The following MIS18BP1 variants were observed in gnomAD, a reference collection of about 807,000 sequenced individuals.
MIS18BP1 encodes MIS18 binding protein 1.
A neutral mutation model predicts 116.1 loss-of-function variants in MIS18BP1; 72 were observed. The ratio of observed to expected loss-of-function variants is 0.62; its 90% CI spans 0.51 to 0.75. MIS18BP1 has a LOEUF of 0.75. MIS18BP1 is among the 30% of genes least tolerant of loss of function. The pLI, the probability that MIS18BP1 is intolerant of heterozygous loss-of-function variation, is 0.00. For missense variants in MIS18BP1, 1,363 were observed against 1,303.2 expected, an observed-to-expected ratio of 1.05 and a Z score of -0.71; for synonymous variants, 386 against 427.0, an observed-to-expected ratio of 0.90 and a Z score of 1.18.
intron 13 of MIS18BP1, among the ~76,000 whole-genome samples, chr14:45,216,364 T>C (rs918901567): frequency 6.6e-6 from 1 of 152,230 alleles, no homozygotes; most frequent in Non-Finnish European, 1.5e-5. Flanking sequence ...CTTATTTTTT[T>C]AAAAGATTCT....
chr14:45,227,637 C>A, intron 9 of MIS18BP1, 26 bp downstream of exon 9: 1 of 1,591,134 alleles, frequency 6.3e-7, no homozygotes, highest in Non-Finnish European at 8.6e-7. Context: ...TCAACTTGAA[C>A]TATACAGTGT....
intron 1 of MIS18BP1, among the ~76,000 whole-genome samples, chr14:45,248,270 T>C (rs1198904183): frequency 1.3e-5 from 2 of 152,036 alleles, no homozygotes; most frequent in Non-Finnish European, 2.9e-5. Context: ...TTTCTCCATG[T>C]TGGTCAGGCT....
intron 13 of MIS18BP1, among the ~76,000 whole-genome samples, chr14:45,214,536 G>A (rs186093106): frequency 3.9e-5 from 6 of 152,214 alleles, no homozygotes; most frequent in East Asian, 3.9e-4. Context: ...GGCGCCGCCC[G>A]GGGCCTCAGC....
At chr14:45,245,318 T>C (rs1218758994) in intron 2 of MIS18BP1, among the ~76,000 whole-genome samples, 1 of 152,118 alleles carries the variant, frequency 6.6e-6, no homozygotes, top group Non-Finnish European at 1.5e-5. Context: ...TCCTGGTTTT[T>C]CTTCTTCCTC....
chr14:45,215,100 T>C (rs927317185), intron 13 of MIS18BP1, among the ~76,000 whole-genome samples: 4 of 152,204 alleles, frequency 2.6e-5, no homozygotes, highest in African/African-American at 9.6e-5. Flanking sequence ...AATATACATA[T>C]ATAGAACCTG....
Position 45,203,617 on chromosome 14 carries a change from G to GTAAT in MIS18BP1, c.*488_*491dup, listed in dbSNP as rs979067035. On this transcript the variant is annotated 3_prime_UTR_variant, in exon 17 of 17. Coordinates refer to ENST00000310806, the MANE Select transcript of MIS18BP1 (RefSeq NM_018353.5). ...ATGTGTAATTTAATTTCAACAATGT[G>GTAAT]TAATTTAAACATTAGGTTTGGATAA... The GTAAT allele has an allele frequency of 2.6e-5, 4 of 152,196 alleles. No individual in the cohort carries two copies. Among genetic ancestry groups the GTAAT allele is most frequent in the African/African-American group, 9.7e-5 (4 of 41,392 alleles). 9.4% of individuals were successfully genotyped at this position (152,196 alleles called of 1,614,324 possible). A position where few individuals can be genotyped will look rare whatever the true frequency, so the allele number is the denominator to read the frequency against.
chr14:45,228,589 T>C (rs893870801), intron 8 of MIS18BP1, among the ~76,000 whole-genome samples: 1 of 152,238 alleles, frequency 6.6e-6, no homozygotes, highest in Non-Finnish European at 1.5e-5. Context: ...ATATAATATA[T>C]GCTCAACAAA....
In MIS18BP1 at chr14:45,237,695, A is replaced by C. The variant is rs781586036; in HGVS notation, c.1170T>G (p.Ile390Met). 9 of 1,602,924 alleles carry C rather than the reference A, an allele frequency of 5.6e-6. No individual in the cohort carries two copies. In the East Asian group the frequency reaches 1.8e-4, roughly 32 times the overall value. Residue 390 changes from isoleucine (I) to methionine (M), a missense_variant, in exon 5 of 17, where the codon ATT (isoleucine) becomes ATG (methionine). By Grantham distance (10) the Ile-to-Met change is conservative (BLOSUM62 1). Transcript: ENST00000310806. ...TAGCAGTATTATTATTGATGCTTTT[A>C]ATCATCCATTCCTGTAGCTGAACTA... Reference protein sequence around the residue: ...NQVVQLQEWMIKSINNNTAIC... With the variant: ...NQVVQLQEWMMKSINNNTAIC...
At chr14:45,250,962 G>T (rs1256460147) in intron 1 of MIS18BP1, among the ~76,000 whole-genome samples, 1 of 151,392 alleles carries the variant, frequency 6.6e-6, no homozygotes, top group African/African-American at 2.4e-5. Flanking sequence ...GAGTGAACCC[G>T]GGAGGCGGAG....
At chr14:45,227,562 A>G in intron 9 of MIS18BP1, 101 bp downstream of exon 9, 3 of 1,059,860 alleles carry the variant, frequency 2.8e-6, no homozygotes, top group Middle Eastern at 3.2e-4. Flanking sequence ...AAAAAAAAAA[A>G]AAACAGAACT....
chr14:45,239,122 T>A (rs1050577823), intron 4 of MIS18BP1, among the ~76,000 whole-genome samples: 1 of 152,160 alleles, frequency 6.6e-6, no homozygotes, highest in Non-Finnish European at 1.5e-5. Flanking sequence ...ATATAAGATA[T>A]CAAAATGTTC....
rs750112393 is a variant in MIS18BP1, at chr14:45,210,522, T to G, written c.3010A>C (p.Ser1004Arg). 1 of 1,613,696 alleles carries G rather than the reference T, an allele frequency of 6.2e-7. No individual in the cohort carries two copies. The highest frequency in any genetic ancestry group is 1.1e-5 in the South Asian group (1 of 90,994). ...PLQHQRILLPSFQDSEDDDDI... is the reference protein window; with the variant it reads ...PLQHQRILLPRFQDSEDDDDI... Reference sequence around the variant, plus strand: ...TCATCATCTTCACTGTCCTGGAAACTTGGCAACTAGAAAACAAGTATTTAT... The same window carrying G: ...TCATCATCTTCACTGTCCTGGAAACGTGGCAACTAGAAAACAAGTATTTAT... Residue 1004 changes from serine to arginine, a missense_variant, in exon 14 of 17, where the codon AGT (serine) becomes CGT (arginine). By Grantham distance (110) the Ser-to-Arg change is moderately radical (BLOSUM62 -1). Coordinates refer to ENST00000310806, the MANE Select transcript of MIS18BP1 (RefSeq NM_018353.5).
chr14:45,210,166 C>A, intron 14 of MIS18BP1: 1 of 420,996 alleles, frequency 2.4e-6, no homozygotes, highest in Non-Finnish European at 4.1e-6. Context: ...CGAATTGATC[C>A]AGAAGTAAAT....
At chr14:45,236,338 G>C (rs1047322421) in intron 5 of MIS18BP1, among the ~76,000 whole-genome samples, 1 of 152,112 alleles carries the variant, frequency 6.6e-6, no homozygotes, top group African/African-American at 2.4e-5. Flanking sequence ...ATTGGATCCA[G>C]CTAATCTGGT....
In MIS18BP1 at chr14:45,224,054, T is replaced by G; in HGVS notation, c.2533A>C (p.Lys845Gln). The G allele has an allele frequency of 6.2e-7, 1 of 1,613,860 alleles. No homozygotes were observed. Among genetic ancestry groups the G allele is most frequent in the South Asian group, 1.1e-5 (1 of 91,046 alleles). ...GGAAACTCTTTCCTAACACCAGACT[T>G]CTGAAGAGTTTCTTTGACGGAAGGT... The part of the protein sequence containing the change: ...ARPSVKETLQ[K>Q]SGVRKEFPIT... Residue 845 changes from lysine (K) to glutamine (Q), a missense_variant, in exon 11 of 17, where the codon AAG becomes CAG. Physicochemically the swap from Lys to Gln is moderately conservative, Grantham distance 53. Coordinates refer to ENST00000310806, the MANE Select transcript of MIS18BP1 (RefSeq NM_018353.5).
intron 14 of MIS18BP1, 116 bp from the exon 15 acceptor site, chr14:45,206,286 C>T: frequency 1.4e-6 from 1 of 694,078 alleles, no homozygotes; most frequent in Non-Finnish European, 2.4e-6. Context: ...AAATTAATTT[C>T]AAATGTATTT....
intron 6 of MIS18BP1, among the ~76,000 whole-genome samples, chr14:45,235,590 C>CAAAA (rs77272289): frequency 2.9e-5 from 2 of 68,710 alleles, no homozygotes; most frequent in Non-Finnish European, 6.0e-5. Context: ...ACTCCATTTC[C>CAAAA]AAAAAAAAAA....
At position 45,217,119 on chromosome 14, in the gene MIS18BP1, A is replaced by G. The variant is rs200710214; in HGVS notation, c.2903T>C (p.Leu968Pro). Residue 968 changes from leucine (L) to proline (P), a missense_variant, in exon 13 of 17, where the codon CTT (leucine) becomes CCT (proline). Transcript: ENST00000310806. ...TIKITAKVGT[L>P]KRKQQMREFL... Reference sequence around the variant, plus strand: ...TTCCCTCATCTGTTGCTTCCTTTTAAGAGTTCCCACTTTGGCAGTTATCTT... The same window carrying G: ...TTCCCTCATCTGTTGCTTCCTTTTAGGAGTTCCCACTTTGGCAGTTATCTT... The G allele has an allele frequency of 1.9e-6, 3 of 1,614,180 alleles. No homozygotes were observed. The highest frequency in any genetic ancestry group is 2.7e-5 in the African/African-American group (2 of 75,056).
In MIS18BP1 at chr14:45,224,652, C is replaced by A; in HGVS notation, c.1935G>T (p.Gln645His). ...GTGTTACTAAAATATAAGCTTTCTT[C>A]TGATTGATGGCCATGTATTTTCTTT... Reference protein sequence around the residue: ...DEERKYMAINQKKAYILVTPL... With the variant: ...DEERKYMAINHKKAYILVTPL... The change falls in exon 11 of 17, where the codon CAG becomes CAT. Residue 645 changes from glutamine (Q) to histidine (H), a missense_variant. By Grantham distance (24) the Gln-to-His change is conservative. Coordinates refer to ENST00000310806, the MANE Select transcript of MIS18BP1 (RefSeq NM_018353.5). The A allele has an allele frequency of 1.2e-6, 2 of 1,613,184 alleles. No individual in the cohort carries two copies. The highest frequency in any genetic ancestry group is 3.3e-5 in the Admixed American group (2 of 59,874).
Sources: allele counts gnomAD v4.1 joint callset (sites outside exome capture counted in the v4.1 genomes callset), GRCh38; gene constraint gnomAD v4.1.1; transcripts MANE v1.5; gene names NCBI Gene and HGNC (gene_info 2026-07-23, HGNC 2026-07-21).